NFIA: variants seen among roughly 807,000 people sequenced by gnomAD.
NFIA encodes nuclear factor 1 A-type.
NFIA carries 8 observed loss-of-function variants against 62.8 expected under a neutral mutation model. The ratio of observed to expected loss-of-function variants is 0.13; its 90% CI spans 0.07 to 0.23. NFIA has a LOEUF of 0.23. Ranked by LOEUF, NFIA falls within the 10% of genes least tolerant of loss-of-function variation. The probability of loss-of-function intolerance (pLI) is 1.00; values close to 1 mark genes in which losing one functional copy is unlikely to be tolerated. For missense variants in NFIA, 410 were observed against 642.1 expected, an observed-to-expected ratio of 0.64 and a Z score of 3.91; for synonymous variants, 235 against 238.1, an observed-to-expected ratio of 0.99 and a Z score of 0.12.
At chr1:61,388,888 G>A (rs1664832450) in intron 7 of NFIA, among the ~76,000 whole-genome samples, 1 of 152,176 alleles carries the variant, frequency 6.6e-6, no homozygotes, top group Non-Finnish European at 1.5e-5. Flanking sequence ...GCTGAGGCAG[G>A]AAGCACTTGA....
chr1:61,349,884 C>T (rs1662457969), intron 4 of NFIA, among the ~76,000 whole-genome samples: 1 of 152,156 alleles, frequency 6.6e-6, no homozygotes, highest in Admixed American at 6.5e-5. Context: ...TGAGCCACCA[C>T]ACGTGTGCCC....
chr1:61,131,191 T>C (rs1029813298), intron 2 of NFIA, among the ~76,000 whole-genome samples: 1 of 152,038 alleles, frequency 6.6e-6, no homozygotes, highest in African/African-American at 2.4e-5. Context: ...TCTTTCTTTT[T>C]TGTACACCTC....
chr1:61,226,011 T>C (rs1654308630), intron 2 of NFIA, among the ~76,000 whole-genome samples: 1 of 152,260 alleles, frequency 6.6e-6, no homozygotes, highest in Non-Finnish European at 1.5e-5. Context: ...AATTCACTAA[T>C]GTATCAGTTG....
intron 3 of NFIA, among the ~76,000 whole-genome samples, chr1:61,305,322 G>A (rs1177886366): frequency 6.6e-6 from 1 of 152,100 alleles, no homozygotes; most frequent in Non-Finnish European, 1.5e-5. Context: ...GCAGGGCAGA[G>A]GTTAACCATA....
At chr1:61,121,956 GA>G (rs1286600932) in intron 2 of NFIA, among the ~76,000 whole-genome samples, 1 of 151,626 alleles carries the variant, frequency 6.6e-6, no homozygotes, top group African/African-American at 2.4e-5. Flanking sequence ...TCCCTGACAA[GA>G]AAAAAAATCC....
chr1:61,427,373 C>T (rs1666914792), intron 10 of NFIA, among the ~76,000 whole-genome samples: 1 of 152,152 alleles, frequency 6.6e-6, no homozygotes, highest in Non-Finnish European at 1.5e-5. Context: ...AATAAACTCT[C>T]TGATTTCCTA....
chr1:61,239,142 C>A (rs566865447), intron 2 of NFIA, among the ~76,000 whole-genome samples: 9 of 152,114 alleles, frequency 5.9e-5, no homozygotes, highest in African/African-American at 2.2e-4. Context: ...TTTTGCATAA[C>A]TTGGAATGAC....
At chr1:61,328,490 C>T (rs1405124690) in intron 3 of NFIA, among the ~76,000 whole-genome samples, 1 of 151,798 alleles carries the variant, frequency 6.6e-6, no homozygotes, top group South Asian at 2.1e-4. Context: ...GGCACGATCT[C>T]GGCTCACCAC....
intron 2 of NFIA, among the ~76,000 whole-genome samples, chr1:61,206,600 A>G (rs1652916210): frequency 6.6e-6 from 1 of 152,206 alleles, no homozygotes; most frequent in Admixed American, 6.5e-5. Context: ...GTGCGACCTC[A>G]GACACATATT....
chr1:61,123,099 A>G (rs1438378066), intron 2 of NFIA, among the ~76,000 whole-genome samples: 13 of 152,172 alleles, frequency 8.5e-5, no homozygotes, highest in Admixed American at 8.5e-4. Context: ...GAATCCCTTT[A>G]TGGAATTATC....
intron 10 of NFIA, 51 bp downstream of exon 10, chr1:61,426,607 A>C: frequency 7.3e-7 from 1 of 1,371,754 alleles, no homozygotes; most frequent in East Asian, 2.6e-5. Flanking sequence ...ATTATTCATC[A>C]GGTGCATTTT....
chr1:61,436,378 G>A (rs187508424), intron 10 of NFIA, among the ~76,000 whole-genome samples: 4 of 152,236 alleles, frequency 2.6e-5, no homozygotes, highest in East Asian at 1.9e-4. Context: ...TGGTGTTCTC[G>A]CTGTCCACAA....
At chr1:61,302,451 C>T (rs563143259) in intron 3 of NFIA, among the ~76,000 whole-genome samples, 22 of 152,176 alleles carry the variant, frequency 1.4e-4, no homozygotes, top group Admixed American at 3.3e-4. Context: ...GCAGCAATGA[C>T]GAGTAAAAGC....
chr1:61,257,329 GTTTTTTTT>G (rs67912567), intron 2 of NFIA, among the ~76,000 whole-genome samples: 2 of 54,696 alleles, frequency 3.7e-5, no homozygotes, highest in Non-Finnish European at 6.6e-5. Flanking sequence ...TTACTGCGTT[GTTTTTTTT>G]TTTTTTTTTT....
chr1:61,082,000 C>CG, upstream of NFIA: 1 of 1,548,626 alleles, frequency 6.5e-7, no homozygotes, highest in Non-Finnish European at 8.7e-7. Flanking sequence ...CGCGGTGGCC[C>CG]GGGGGGTGCG....
At chr1:61,199,761 G>A (rs1343137395) in intron 2 of NFIA, among the ~76,000 whole-genome samples, 1 of 151,700 alleles carries the variant, frequency 6.6e-6, no homozygotes, top group Non-Finnish European at 1.5e-5. Context: ...TTGGGAGGCC[G>A]AGGTAGGTGG....
rs1177190085 is a variant in NFIA at position 61,461,691 on chromosome 1, A to C, written c.*6371A>C. ...GTGTGCCTGGTATCCTGAGTTTTAC[A>C]TGTAGATGCATTCGCCTATTTGATT... On this transcript the variant is annotated 3_prime_UTR_variant, in exon 11 of 11. Coordinates refer to ENST00000403491, the MANE Select transcript of NFIA (RefSeq NM_001134673.4). The C allele has an allele frequency of 6.6e-6, 1 of 152,218 alleles. No homozygotes were observed. Among genetic ancestry groups the C allele is most frequent in the Non-Finnish European group, 1.5e-5 (1 of 68,054 alleles). The allele number at this position is 152,218 out of a possible 1,614,324, so 9.4% of individuals were successfully genotyped here.
intron 2 of NFIA, among the ~76,000 whole-genome samples, chr1:61,105,165 G>A (rs1281635630): frequency 6.6e-6 from 1 of 151,944 alleles, no homozygotes; most frequent in Non-Finnish European, 1.5e-5. Flanking sequence ...TGAAGTGTGA[G>A]ATTCAGGTCA....
At chr1:61,272,127 A>C (rs1657543919) in intron 2 of NFIA, among the ~76,000 whole-genome samples, 1 of 152,230 alleles carries the variant, frequency 6.6e-6, no homozygotes, top group African/African-American at 2.4e-5. Flanking sequence ...CGGATTTAGT[A>C]ATGGTGTTAC....
Sources: allele counts gnomAD v4.1 joint callset (sites outside exome capture counted in the v4.1 genomes callset), GRCh38; gene constraint gnomAD v4.1.1; transcripts MANE v1.5; gene names NCBI Gene and HGNC (gene_info 2026-07-23, HGNC 2026-07-21).